Variants in NCKAP5 observed in about 807,000 individuals in gnomAD.
The protein encoded by NCKAP5 is nck-associated protein 5.
A neutral mutation model predicts 167.0 loss-of-function variants in NCKAP5; 92 were observed. The ratio of observed to expected loss-of-function variants is 0.55; its 90% CI spans 0.47 to 0.66. The LOEUF is 0.66. Ranked by LOEUF, NCKAP5 falls within the 30% of genes least tolerant of loss-of-function variation. NCKAP5 has a pLI of 0.00. For missense variants in NCKAP5, 2,378 were observed against 2,315.0 expected, an observed-to-expected ratio of 1.03 and a Z score of -0.56; for synonymous variants, 891 against 877.4, an observed-to-expected ratio of 1.02 and a Z score of -0.27.
intron 4 of NCKAP5, among the ~76,000 whole-genome samples, chr2:133,220,347 C>T (rs541549331): frequency 3.3e-5 from 5 of 152,136 alleles, no homozygotes; most frequent in Admixed American, 6.5e-5. Flanking sequence ...AAAATACAAA[C>T]GATGAAACAA....
At chr2:133,004,465 C>T (rs1048776742) in intron 6 of NCKAP5, among the ~76,000 whole-genome samples, 1 of 151,938 alleles carries the variant, frequency 6.6e-6, no homozygotes, top group East Asian at 1.9e-4. Context: ...CATCACATGT[C>T]GACAGGTTCC....
chr2:133,557,119 TA>T (rs1245265724), intron 2 of NCKAP5, among the ~76,000 whole-genome samples: 1 of 152,170 alleles, frequency 6.6e-6, no homozygotes, highest in Non-Finnish European at 1.5e-5. Context: ...ATGAAAATAA[TA>T]TTTTTGGTGC....
At chr2:133,657,279 T>C in the NCKAP5 span, among the ~76,000 whole-genome samples, 9 of 152,340 alleles carry the variant, frequency 5.9e-5, no homozygotes, top group East Asian at 1.4e-3. Flanking sequence ...GGATCAAGGC[T>C]GGCAGCACAG....
intron 5 of NCKAP5, among the ~76,000 whole-genome samples, chr2:133,144,858 C>T (rs1233000796): frequency 6.6e-6 from 1 of 152,032 alleles, no homozygotes; most frequent in African/African-American, 2.4e-5. Context: ...CACTCGCTGC[C>T]GTGTTAGTGT....
At chr2:133,025,182 T>A (rs1034638896) in intron 6 of NCKAP5, among the ~76,000 whole-genome samples, 1 of 152,236 alleles carries the variant, frequency 6.6e-6, no homozygotes, top group East Asian at 1.9e-4. Context: ...GGTTGAAGTA[T>A]GATGTTGCAA....
intron 4 of NCKAP5, among the ~76,000 whole-genome samples, chr2:133,253,865 C>T (rs896591581): frequency 2.0e-5 from 3 of 152,208 alleles, no homozygotes; most frequent in Admixed American, 2.0e-4. Context: ...ACCAGCTCCC[C>T]TACAATGTGG....
intron 6 of NCKAP5, among the ~76,000 whole-genome samples, chr2:133,076,544 T>C (rs1171064112): frequency 6.6e-6 from 1 of 152,218 alleles, no homozygotes; most frequent in Non-Finnish European, 1.5e-5. Flanking sequence ...ACAGTATTCA[T>C]CTGCTTGGAA....
chr2:133,656,565 C>T, the NCKAP5 span, among the ~76,000 whole-genome samples: 1 of 152,080 alleles, frequency 6.6e-6, no homozygotes, highest in Non-Finnish European at 1.5e-5. Flanking sequence ...AATTCCTAAC[C>T]CCTCTCCTCC....
At chr2:132,881,251 T>C (rs1691723108) in intron 8 of NCKAP5, among the ~76,000 whole-genome samples, 1 of 152,178 alleles carries the variant, frequency 6.6e-6, no homozygotes, top group Admixed American at 6.6e-5. Context: ...CTTGGCTTAC[T>C]GTGACCTCCA....
intron 19 of NCKAP5, among the ~76,000 whole-genome samples, chr2:132,692,891 T>C (rs1686907555): frequency 1.3e-5 from 2 of 152,196 alleles, no homozygotes; most frequent in Admixed American, 6.5e-5. Context: ...ATGGTACCTA[T>C]GTTCAGTGCA....
intron 11 of NCKAP5, among the ~76,000 whole-genome samples, chr2:132,810,864 C>T (rs185596416): frequency 3.3e-5 from 5 of 152,094 alleles, no homozygotes; most frequent in Admixed American, 3.3e-4. Context: ...GTCATATTAC[C>T]AGGGTTGGTT....
intron 3 of NCKAP5, among the ~76,000 whole-genome samples, chr2:133,514,551 A>T (rs1206248189): frequency 2.6e-5 from 4 of 151,212 alleles, no homozygotes; most frequent in African/African-American, 9.9e-5. Flanking sequence ...TATATAAAAT[A>T]AAAAGTGTAA....
At chr2:132,994,028 GC>G (rs1268567693) in intron 7 of NCKAP5, 123 bp downstream of exon 7, 2 of 572,128 alleles carry the variant, frequency 3.5e-6, no homozygotes, top group Non-Finnish European at 6.0e-6. Context: ...TGACTAGGTG[GC>G]TTTTAGCACT....
chr2:133,088,457 C>T (rs760428883), intron 6 of NCKAP5, among the ~76,000 whole-genome samples: 1 of 152,126 alleles, frequency 6.6e-6, no homozygotes, highest in Non-Finnish European at 1.5e-5. Flanking sequence ...CCAAGCTGTT[C>T]CTGTCTGAAC....
chr2:133,003,576 C>T (rs1055506962), intron 6 of NCKAP5, among the ~76,000 whole-genome samples: 7 of 152,190 alleles, frequency 4.6e-5, no homozygotes, highest in African/African-American at 9.7e-5. Flanking sequence ...TGCTTATCCT[C>T]GCTGCAATAG....
intron 5 of NCKAP5, among the ~76,000 whole-genome samples, chr2:133,143,906 G>C (rs973624122): frequency 2.0e-5 from 3 of 151,902 alleles, no homozygotes; most frequent in African/African-American, 7.3e-5. Flanking sequence ...AGGAACCTAG[G>C]GCTTGACTGC....
chr2:133,156,055 A>T (rs1042292279), intron 5 of NCKAP5, among the ~76,000 whole-genome samples: 7 of 151,974 alleles, frequency 4.6e-5, no homozygotes, highest in Non-Finnish European at 8.8e-5. Context: ...CAAAGTCCCC[A>T]GTTTCTGTAC....
chr2:133,121,467 G>A (rs779689663), intron 6 of NCKAP5, among the ~76,000 whole-genome samples: 6 of 152,044 alleles, frequency 3.9e-5, no homozygotes, highest in East Asian at 1.9e-4. Flanking sequence ...CTGGGTGGCC[G>A]GCAGAGTCTC....
At chr2:133,597,181 G>T in the NCKAP5 span, among the ~76,000 whole-genome samples, 3 of 152,210 alleles carry the variant, frequency 2.0e-5, no homozygotes, top group Admixed American at 1.3e-4. Flanking sequence ...AGCAGAGTGG[G>T]AACTGGGGTG....
Sources: allele counts gnomAD v4.1 joint callset (sites outside exome capture counted in the v4.1 genomes callset), GRCh38; gene constraint gnomAD v4.1.1; transcripts MANE v1.5; gene names NCBI Gene and HGNC (gene_info 2026-07-23, HGNC 2026-07-21).